NPR2: variants seen among roughly 807,000 people sequenced by gnomAD.
NPR2 encodes the protein atrial natriuretic peptide receptor 2.
In NPR2, 49 loss-of-function variants were observed where a neutral mutation model predicts 120.7. That is an observed-to-expected ratio of 0.41 (90% confidence interval 0.32 to 0.52). The LOEUF (loss-of-function observed/expected upper bound fraction) is 0.52, where lower values mean the gene tolerates loss of function less well. Among genes scored for constraint, NPR2 ranks in the 20% least tolerant of loss-of-function variants. The pLI, the probability that NPR2 is intolerant of heterozygous loss-of-function variation, is 0.36. For missense variants in NPR2, 931 were observed against 1,362.9 expected, an observed-to-expected ratio of 0.68 and a Z score of 4.99; for synonymous variants, 484 against 519.8, an observed-to-expected ratio of 0.93 and a Z score of 0.94.
Position 35,806,177 on chromosome 9 carries a change from C to G in NPR2, c.2316C>G (p.Asp772Glu), listed in dbSNP as rs1394679241. ...TGATGGAGCGATGTTGGGCTCAGGA[C>G]CCAGCTGAGCGGCCAGACTTTGGAC... The part of the protein sequence containing the change: ...VLLMERCWAQ[D>E]PAERPDFGQI... Residue 772 changes from aspartate (D) to glutamate (E), a missense_variant, in exon 15 of 22, where the codon GAC becomes GAG. Transcript: ENST00000342694. This position sits in a 1 kb window ranked among gnomAD's most constrained non-coding sequence, Gnocchi z 4.6. 6 of 1,614,080 alleles carry G rather than the reference C, an allele frequency of 3.7e-6. 1 individual carries two copies. The Admixed American group carries it at 8.3e-5, about 22-fold the overall frequency.
chr9:35,808,086 G>T lies in NPR2; in HGVS notation c.2713-423G>T. ...GCATTTATTCTCTTACATAGCTTTG[G>T]CACAATTACCAAAATCAAATGCCTG... On this transcript the variant is annotated intron_variant, in intron 18 of 21. Transcript: ENST00000342694. The surrounding 1 kb of genome is among the most constrained non-coding windows in gnomAD (Gnocchi z 4.0). 1.0e-6 allele frequency: 1 copy of T among 970,784 alleles called. No individual in the cohort carries two copies. The highest frequency in any genetic ancestry group is 1.7e-6 in the Non-Finnish European group (1 of 605,436). The allele number at this position is 970,784 out of a possible 1,614,324, so 60.1% of individuals were successfully genotyped here. A position where few individuals can be genotyped will look rare whatever the true frequency, so the allele number is the denominator to read the frequency against.
Position 35,809,535 on chromosome 9 carries a change from T to C in NPR2, c.*90T>C. ...TGTCTGCACACACCAGAAATGGACATTTTCATATGCAATGGAAAACAGCCA... is the reference window on the plus strand; with the variant it reads ...TGTCTGCACACACCAGAAATGGACACTTTCATATGCAATGGAAAACAGCCA... On this transcript the variant is annotated 3_prime_UTR_variant, in exon 22 of 22. Coordinates refer to ENST00000342694, the MANE Select transcript of NPR2 (RefSeq NM_003995.4). The surrounding 1 kb of genome is among the most constrained non-coding windows in gnomAD (Gnocchi z 4.1). 1 of 1,603,926 alleles carries C rather than the reference T, an allele frequency of 6.2e-7. No homozygotes were observed. Among genetic ancestry groups the C allele is most frequent in the Non-Finnish European group, 8.5e-7 (1 of 1,170,854 alleles).
chr9:35,800,788 C>T lies in NPR2; in HGVS notation c.1298C>T (p.Pro433Leu). Reference protein sequence around the residue: ...RPIPWVKGAPPSDNPPCAFDL... With the variant: ...RPIPWVKGAPLSDNPPCAFDL... ...ATTCCCTGGGTGAAGGGGGCTCCTCCCTCGGACAATCCCCCCTGTGCCTTT... is the reference window on the plus strand; with the variant it reads ...ATTCCCTGGGTGAAGGGGGCTCCTCTCTCGGACAATCCCCCCTGTGCCTTT... Residue 433 changes from proline (P) to leucine (L), a missense_variant, in exon 6 of 22, where the codon CCC becomes CTC. Coordinates refer to ENST00000342694, the MANE Select transcript of NPR2 (RefSeq NM_003995.4). The surrounding 1 kb of genome is among the most constrained non-coding windows in gnomAD (Gnocchi z 4.7). 1 of 1,614,142 alleles carries T rather than the reference C, an allele frequency of 6.2e-7. No homozygotes were observed. Among genetic ancestry groups the T allele is most frequent in the Non-Finnish European group, 8.5e-7 (1 of 1,180,030 alleles).
Position 35,802,159 on chromosome 9 carries a change from G to T in NPR2, c.1633-47G>T. 1 of 1,383,430 alleles carries T rather than the reference G, an allele frequency of 7.2e-7. No homozygotes were observed. The highest frequency in any genetic ancestry group is 1.2e-5 in the South Asian group (1 of 86,386). The allele number at this position is 1,383,430 out of a possible 1,614,324, so 85.7% of individuals were successfully genotyped here. On this transcript the variant is annotated intron_variant, in intron 9 of 21. Transcript: ENST00000342694. The surrounding 1 kb of genome is among the most constrained non-coding windows in gnomAD (Gnocchi z 4.2). ...GCTCTCTAGCATTTCCTTGTACCCA[G>T]AACTTCTGATATTCACTTTCCTTTC...
rs752073130 is a variant in NPR2, at chr9:35,809,414, G to A, written c.3113G>A (p.Gly1038Glu). 2 of 1,614,032 alleles carry A rather than the reference G, an allele frequency of 1.2e-6. No homozygotes were observed. The highest frequency in any genetic ancestry group is 2.7e-5 in the African/African-American group (2 of 74,898). ...AAGATGCGAACATACTGGCTCTTAG[G>A]AGAGCGGAAAGGACCTCCTGGACTC... ...KGKMRTYWLL[G>E]ERKGPPGLL Residue 1038 changes from glycine (G) to glutamate (E), a missense_variant, in exon 22 of 22, where the codon GGA (glycine) becomes GAA (glutamate). Gly to Glu is a moderately conservative substitution (Grantham distance 98). Around this residue, in one of 3 missense-constraint regions of NPR2, gnomAD observed 184 missense variants for 328.3 expected, o/e 0.56. Coordinates refer to ENST00000342694, the MANE Select transcript of NPR2 (RefSeq NM_003995.4). This position sits in a 1 kb window ranked among gnomAD's most constrained non-coding sequence, Gnocchi z 4.1.
At chr9:35,803,400 G>A (rs1230813399) in intron 12 of NPR2, among the ~76,000 whole-genome samples, 1 of 82,090 alleles carries the variant, frequency 1.2e-5, no homozygotes, top group Admixed American at 1.1e-4. Context: ...CACCGCGCCC[G>A]GCCTGAACAT....
chr9:35,804,275 C>T (rs1044196086), intron 12 of NPR2, among the ~76,000 whole-genome samples: 1 of 151,352 alleles, frequency 6.6e-6, no homozygotes, highest in African/African-American at 2.4e-5. Context: ...ATTCTGTCAC[C>T]CAGGCTAGAG....
Position 35,800,187 on chromosome 9 carries a change from G to A in NPR2, c.1123+30G>A, listed in dbSNP as rs1828097296. Reference sequence around the variant, plus strand: ...TGAAGAGGGGTCAATGGGGGTCTGAGGGCTGATGTCAGGAATAGAGTGGGC... The same window carrying A: ...TGAAGAGGGGTCAATGGGGGTCTGAAGGCTGATGTCAGGAATAGAGTGGGC... On this transcript the variant is annotated intron_variant, in intron 4 of 21. Coordinates refer to ENST00000342694, the MANE Select transcript of NPR2 (RefSeq NM_003995.4). This position sits in a 1 kb window ranked among gnomAD's most constrained non-coding sequence, Gnocchi z 4.7. 1 of 1,600,266 alleles carries A rather than the reference G, an allele frequency of 6.2e-7. No individual in the cohort carries two copies. Among genetic ancestry groups the A allele is most frequent in the Non-Finnish European group, 8.6e-7 (1 of 1,167,540 alleles).
At position 35,792,967 on chromosome 9, in the gene NPR2, G is replaced by A. The variant is rs768423636; in HGVS notation, c.559G>A (p.Val187Ile). The change falls in exon 1 of 22, where the codon GTC (valine) becomes ATC (isoleucine). Residue 187 changes from valine (V) to isoleucine (I), a missense_variant. This residue lies in a region of NPR2 where 681 missense variants were observed against 974.3 expected (regional missense o/e 0.70). Transcript: ENST00000342694. ...DRPHYFTIEG[V>I]FEALQGSNLS... ...GCCTCACTACTTCACCATCGAGGGC[G>A]TCTTTGAGGCCCTGCAGGGCAGCAA... The A allele has an allele frequency of 1.9e-5, 31 of 1,613,742 alleles. No homozygotes were observed. In the East Asian group the frequency reaches 3.3e-4, roughly 17 times the overall value.
rs1255915512 is a variant in NPR2 at position 35,806,034 on chromosome 9, G to C, written c.2204-31G>C. The C allele has an allele frequency of 1.2e-6, 2 of 1,614,040 alleles. No individual in the cohort carries two copies. Among genetic ancestry groups the C allele is most frequent in the African/African-American group, 2.7e-5 (2 of 74,924 alleles). ...AGCCTCTTCTTCCTGGGGGAACTCT[G>C]TTCTTCATCCAAACCTTTGATCACC... On this transcript the variant is annotated intron_variant, in intron 14 of 21. Transcript: ENST00000342694. The surrounding 1 kb of genome is among the most constrained non-coding windows in gnomAD (Gnocchi z 4.6).
chr9:35,808,671 G>C lies in NPR2; in HGVS notation c.2875G>C (p.Gly959Arg). 1 of 1,614,062 alleles carries C rather than the reference G, an allele frequency of 6.2e-7. No homozygotes were observed. The highest frequency in any genetic ancestry group is 1.3e-5 in the African/African-American group (1 of 75,010). The part of the protein sequence containing the change: ...RPHDQLRLRI[G>R]VHTGPVCAGV... ...CCATGACCAGCTGAGGCTACGCATAGGGGTCCATACTGGTAAGGCTGACTC... is the reference window on the plus strand; with the variant it reads ...CCATGACCAGCTGAGGCTACGCATACGGGTCCATACTGGTAAGGCTGACTC... Residue 959 changes from glycine (G) to arginine (R), a missense_variant, in exon 19 of 22, where the codon GGG (glycine) becomes CGG (arginine). By Grantham distance (125) the Gly-to-Arg change is moderately radical. Around this residue, in one of 3 missense-constraint regions of NPR2, gnomAD observed 184 missense variants for 328.3 expected, o/e 0.56. Transcript: ENST00000342694. The surrounding 1 kb of genome is among the most constrained non-coding windows in gnomAD (Gnocchi z 4.0).
chr9:35,800,346 C>A lies in NPR2; in HGVS notation c.1124-43C>A, dbSNP rs1402571823. 1 of 1,562,746 alleles carries A rather than the reference C, an allele frequency of 6.4e-7. No homozygotes were observed. The highest frequency in any genetic ancestry group is 8.8e-7 in the Non-Finnish European group (1 of 1,133,254). ...TAGGCATGAGTGAGTGGGAGAGGAG[C>A]CCAGGGTAGACCTCAAAGAAAGGAC... On this transcript the variant is annotated intron_variant, in intron 4 of 21. Transcript: ENST00000342694. This position sits in a 1 kb window ranked among gnomAD's most constrained non-coding sequence, Gnocchi z 4.7.
Position 35,800,994 on chromosome 9 carries a change from A to G in NPR2, c.1352-76A>G. ...CTTCCTACTCCCAAGGAGTCTGTCT[A>G]TGCACCTATGCACCCCGTTCTCCAT... On this transcript the variant is annotated intron_variant, in intron 6 of 21. Transcript: ENST00000342694. The surrounding 1 kb of genome is among the most constrained non-coding windows in gnomAD (Gnocchi z 4.7). 5 of 1,501,522 alleles carry G rather than the reference A, an allele frequency of 3.3e-6. No individual in the cohort carries two copies. Among genetic ancestry groups the G allele is most frequent in the Admixed American group, 3.3e-5 (2 of 59,884 alleles). The allele number at this position is 1,501,522 out of a possible 1,614,324, so 93.0% of individuals were successfully genotyped here.
chr9:35,792,251 C>T lies in NPR2; in HGVS notation c.-158C>T. 1.5e-6 allele frequency: 1 copy of T among 666,308 alleles called. No individual in the cohort carries two copies. Among genetic ancestry groups the T allele is most frequent in the South Asian group, 1.9e-5 (1 of 52,444 alleles). The allele number at this position is 666,308 out of a possible 1,614,324, so 41.3% of individuals were successfully genotyped here. A position where few individuals can be genotyped will look rare whatever the true frequency, so the allele number is the denominator to read the frequency against. ...CCTTCCTCCCATCTCCCCCTCCTCT[C>T]CCCGGCCCCCAGCACCTTCTGCATC... On this transcript the variant is annotated 5_prime_UTR_variant, in exon 1 of 22. Coordinates refer to ENST00000342694, the MANE Select transcript of NPR2 (RefSeq NM_003995.4).
Position 35,793,090 on chromosome 9 carries a change from G to A in NPR2, c.667+15G>A. 1 of 1,577,918 alleles carries A rather than the reference G, an allele frequency of 6.3e-7. No homozygotes were observed. The highest frequency in any genetic ancestry group is 8.6e-7 in the Non-Finnish European group (1 of 1,166,508). The stretch of plus-strand genomic sequence containing the variant: ...CAACGGGCGCAGTGAGTGTGGCCTG[G>A]GCTATTTTAGGGTCATGGGAGGAGG... On this transcript the variant is annotated intron_variant, in intron 1 of 21. Transcript: ENST00000342694.
At chr9:35,807,297 G>A (rs1480314081) in intron 17 of NPR2, 33 bp from the exon 18 acceptor site, 2 of 1,586,106 alleles carry the variant, frequency 1.3e-6, no homozygotes, top group African/African-American at 2.7e-5. Context: ...TTGGGCACAA[G>A]TCTCAGGGCC....
intron 2 of NPR2, among the ~76,000 whole-genome samples, chr9:35,797,329 C>T (rs1377479264): frequency 6.6e-6 from 1 of 152,184 alleles, no homozygotes; most frequent in Non-Finnish European, 1.5e-5. Context: ...TCCAGAAGCC[C>T]AGGCTGGTCA....
In NPR2 at chr9:35,806,592, C is replaced by T. The variant is rs541649952; in HGVS notation, c.2519+54C>T. 83 of 1,605,470 alleles carry T rather than the reference C, an allele frequency of 5.2e-5. No homozygotes were observed. Among genetic ancestry groups the T allele is most frequent in the Non-Finnish European group, 6.7e-5 (78 of 1,172,880 alleles). ...TCTTTTGGGATTCTGCTCTGTTGGG[C>T]TCTGCCTCATCAGGCACCTGAGAAC... On this transcript the variant is annotated intron_variant, in intron 16 of 21. Coordinates refer to ENST00000342694, the MANE Select transcript of NPR2 (RefSeq NM_003995.4). The surrounding 1 kb of genome is among the most constrained non-coding windows in gnomAD (Gnocchi z 4.6).
Position 35,802,894 on chromosome 9 carries a change from G to A in NPR2, c.1887+91G>A, listed in dbSNP as rs1285042798. 3.4e-6 allele frequency: 3 copies of A among 883,134 alleles called. No individual in the cohort carries two copies. The African/African-American group carries it at 4.9e-5, about 15-fold the overall frequency. 54.7% of individuals were successfully genotyped at this position (883,134 alleles called of 1,614,324 possible). On this transcript the variant is annotated intron_variant, in intron 12 of 21. Coordinates refer to ENST00000342694, the MANE Select transcript of NPR2 (RefSeq NM_003995.4). This position sits in a 1 kb window ranked among gnomAD's most constrained non-coding sequence, Gnocchi z 4.2. ...GTTTTTCTCCTTCTAGTCCTCTGAA[G>A]TCCTGTTCTCTCATCTCCCCTTATT...
Sources: allele counts gnomAD v4.1 joint callset (sites outside exome capture counted in the v4.1 genomes callset), GRCh38; gene constraint gnomAD v4.1.1; regional missense constraint gnomAD v4.1.1; non-coding constraint Gnocchi (gnomAD v3.1); transcripts MANE v1.5; gene names NCBI Gene and HGNC (gene_info 2026-07-23, HGNC 2026-07-21).